MAD1L1: variants seen among roughly 807,000 people sequenced by gnomAD.
MAD1L1 encodes mitotic spindle assembly checkpoint protein MAD1.
MAD1L1 carries 95 observed loss-of-function variants against 96.9 expected under a neutral mutation model. That is an observed-to-expected ratio of 0.98 (90% confidence interval 0.83 to 1.16). The LOEUF is 1.16. Among genes scored for constraint, MAD1L1 ranks in the 50% most tolerant of loss-of-function variants. The probability of loss-of-function intolerance (pLI) is 0.00; values close to 1 mark genes in which losing one functional copy is unlikely to be tolerated. For synonymous variants in MAD1L1, 473 were observed against 396.6 expected (o/e 1.19, Z -2.29); for missense variants, 1,007 against 954.4 (o/e 1.06, Z -0.73).
intron 11 of MAD1L1, among the ~76,000 whole-genome samples, chr7:2,104,574 A>G (rs1159988514): frequency 6.6e-6 from 1 of 152,246 alleles, no homozygotes; most frequent in Non-Finnish European, 1.5e-5. Context: ...CAGATCTTCC[A>G]CGAAAGCTCC....
Position 1,817,799 on chromosome 7 carries a change from C to T in MAD1L1, c.1999-1571G>A, listed in dbSNP as rs1037250776. 1.8e-4 allele frequency among the ~76,000 whole-genome samples: 27 copies of T among 152,170 alleles called. No individual in the cohort carries two copies. The East Asian group carries it at 3.5e-3, about 20-fold the overall frequency. On this transcript the variant is annotated intron_variant, in intron 18 of 18. Transcript: ENST00000265854. The stretch of plus-strand genomic sequence containing the variant: ...GGAACCCTCCCCAGGAGCCACAGGG[C>T]GGCCTGGCTCCATCCAGCTTGGTCC...
At chr7:2,211,896 G>T (rs1792965204) in intron 10 of MAD1L1, among the ~76,000 whole-genome samples, 1 of 152,218 alleles carries the variant, frequency 6.6e-6, no homozygotes, top group Non-Finnish European at 1.5e-5. Flanking sequence ...AGAACAGCAG[G>T]AAAGACAGGC....
chr7:1,994,197 C>T (rs1275235546), intron 14 of MAD1L1, among the ~76,000 whole-genome samples: 1 of 152,208 alleles, frequency 6.6e-6, no homozygotes, highest in East Asian at 1.9e-4. Flanking sequence ...AGCAACAGCA[C>T]ACACTGGCTT....
intron 16 of MAD1L1, among the ~76,000 whole-genome samples, chr7:1,946,646 G>A (rs1413923011): frequency 6.6e-6 from 1 of 152,268 alleles, no homozygotes; most frequent in Non-Finnish European, 1.5e-5. Flanking sequence ...TTAAGCGGAA[G>A]AGCCGGCTGG....
rs115557580 is a variant in MAD1L1 at position 2,147,440 on chromosome 7, C to A, written c.1073+1712G>T. ...CAATAAGCCACACGTGGGACAGAAG[C>A]CAGCATACAGACACACACATGAAAG... On this transcript the variant is annotated intron_variant, in intron 11 of 18. Coordinates refer to ENST00000265854, the MANE Select transcript of MAD1L1 (RefSeq NM_001013836.2). Among the ~76,000 whole-genome samples the A allele has an allele frequency of 9.0e-3, 1,371 of 152,342 alleles. 24 individuals are homozygous for A. The highest frequency in any genetic ancestry group is 0.032 in the African/African-American group (1,321 of 41,574).
intron 16 of MAD1L1, among the ~76,000 whole-genome samples, chr7:1,952,595 G>A (rs1306885981): frequency 2.6e-5 from 4 of 152,238 alleles, no homozygotes; most frequent in Admixed American, 6.5e-5. Flanking sequence ...GCGTGAAGGT[G>A]GCTCACGCAT....
At chr7:2,116,924 T>C (rs1472211840) in intron 11 of MAD1L1, among the ~76,000 whole-genome samples, 4 of 152,146 alleles carry the variant, frequency 2.6e-5, no homozygotes, top group African/African-American at 4.8e-5. Context: ...AAGAAGTATT[T>C]GCAATGAACA....
At chr7:2,165,240 A>G (rs142557792) in intron 10 of MAD1L1, among the ~76,000 whole-genome samples, 8 of 152,048 alleles carry the variant, frequency 5.3e-5, no homozygotes, top group African/African-American at 1.7e-4. Flanking sequence ...TAGAAAGGGA[A>G]GAATTTATAG....
At chr7:1,868,076 G>A (rs1300062803) in intron 18 of MAD1L1, among the ~76,000 whole-genome samples, 1 of 152,136 alleles carries the variant, frequency 6.6e-6, no homozygotes, top group Non-Finnish European at 1.5e-5. Context: ...TGTAAGCACT[G>A]TCCCTGCCGT....
chr7:2,186,792 CTTTTTTT>C (rs111676405), intron 10 of MAD1L1, among the ~76,000 whole-genome samples: 3 of 143,118 alleles, frequency 2.1e-5, no homozygotes, highest in African/African-American at 5.1e-5. Flanking sequence ...TTTTCTTTTT[CTTTTTTT>C]TTTTTTTTCT....
chr7:1,958,563 A>G (rs1779823218), intron 15 of MAD1L1, among the ~76,000 whole-genome samples: 1 of 152,224 alleles, frequency 6.6e-6, no homozygotes, highest in African/African-American at 2.4e-5. Context: ...TTTCCAAGAA[A>G]CCTAACTGCA....
At position 1,937,518 on chromosome 7, in the gene MAD1L1, AC is replaced by A. The variant is rs140863185; in HGVS notation, c.1597-622del. Reference sequence around the variant, plus strand: ...CCTGCTGACCTGTGGTGGGTGACCGACCCCCAGCAACAAGCACCATGCAGCC... The same window carrying A: ...CCTGCTGACCTGTGGTGGGTGACCGACCCCAGCAACAAGCACCATGCAGCC... On this transcript the variant is annotated intron_variant, in intron 16 of 18. Transcript: ENST00000265854. Among the ~76,000 whole-genome samples the A allele has an allele frequency of 9.5e-4, 144 of 151,078 alleles. No individual in the cohort carries two copies. In the East Asian group the frequency reaches 0.02, roughly 21 times the overall value.
intron 17 of MAD1L1, among the ~76,000 whole-genome samples, chr7:1,930,897 C>T (rs1485022050): frequency 1.3e-5 from 2 of 152,208 alleles, no homozygotes; most frequent in African/African-American, 4.8e-5. Context: ...AACCCATGCT[C>T]AGGGCCAGCC....
intron 18 of MAD1L1, among the ~76,000 whole-genome samples, chr7:1,853,217 G>A (rs1291290828): frequency 3.3e-5 from 5 of 152,212 alleles, no homozygotes; most frequent in Non-Finnish European, 7.3e-5. Flanking sequence ...TCTAACAGCA[G>A]CGGCACTGCT....
intron 12 of MAD1L1, among the ~76,000 whole-genome samples, chr7:2,056,378 T>C (rs58966258): frequency 0.01 from 1,539 of 150,846 alleles, 27 homozygotes; most frequent in African/African-American, 0.036. Context: ...GGCTCTTCTG[T>C]GGGAGGGATG....
intron 11 of MAD1L1, among the ~76,000 whole-genome samples, chr7:2,140,264 C>T (rs940893170): frequency 2.0e-5 from 3 of 152,206 alleles, no homozygotes; most frequent in African/African-American, 7.2e-5. Flanking sequence ...TTCACCACTG[C>T]CCAAACGTAA....
intron 18 of MAD1L1, among the ~76,000 whole-genome samples, chr7:1,894,304 G>C (rs1786730139): frequency 6.6e-6 from 1 of 152,202 alleles, no homozygotes; most frequent in Non-Finnish European, 1.5e-5. Flanking sequence ...CTTGGGAAGA[G>C]TCGGCTTACA....
chr7:2,050,555 G>C (rs867994838), intron 12 of MAD1L1, among the ~76,000 whole-genome samples: 2 of 152,330 alleles, frequency 1.3e-5, no homozygotes, highest in Middle Eastern at 6.8e-3. Flanking sequence ...CCGGCCTGGA[G>C]AAAGTCCAGA....
chr7:2,152,588 G>A (rs1426703602), intron 10 of MAD1L1, among the ~76,000 whole-genome samples: 2 of 152,158 alleles, frequency 1.3e-5, no homozygotes, highest in African/African-American at 4.8e-5. Flanking sequence ...CAGAGACAGA[G>A]GGAAGGCCAG....
Sources: gnomAD v4.1 joint callset for allele counts (sites outside exome capture counted in the v4.1 genomes callset) on GRCh38, gnomAD v4.1.1 for gene constraint, MANE v1.5 for transcripts, NCBI Gene and HGNC (gene_info 2026-07-23, HGNC 2026-07-21) for gene names.